CELF2: variants seen among roughly 807,000 people sequenced by gnomAD.
CELF2 encodes CUG triplet repeat RNA-binding protein 2.
A neutral mutation model predicts 62.6 loss-of-function variants in CELF2; 8 were observed. That is an observed-to-expected ratio of 0.13 (90% CI 0.07 to 0.23). The LOEUF (loss-of-function observed/expected upper bound fraction) is 0.23, where lower values mean the gene tolerates loss of function less well. CELF2 is among the 10% of genes least tolerant of loss of function. CELF2 has a pLI of 1.00. For synonymous variants in CELF2, 258 were observed against 250.0 expected, an observed-to-expected ratio of 1.03 and a Z score of -0.30; for missense variants, 333 against 671.0, an observed-to-expected ratio of 0.50 and a Z score of 5.56.
the CELF2 span, among the ~76,000 whole-genome samples, chr10:10,524,579 ACTTTCAT>A: frequency 6.6e-6 from 1 of 151,938 alleles, no homozygotes; most frequent in Non-Finnish European, 1.5e-5. Context: ...AGGAGAGTTC[ACTTTCAT>A]AAATAAAAAT....
intron 1 of CELF2, among the ~76,000 whole-genome samples, chr10:10,896,534 C>G (rs1326822601): frequency 1.3e-5 from 2 of 151,222 alleles, no homozygotes; most frequent in African/African-American, 4.9e-5. Context: ...GGCCCTAAAT[C>G]CAATATGGCC....
chr10:10,578,365 A>G, the CELF2 span, among the ~76,000 whole-genome samples: 1 of 152,102 alleles, frequency 6.6e-6, no homozygotes, highest in Non-Finnish European at 1.5e-5. Context: ...CTTTAGTTTA[A>G]TTAGATCCTG....
chr10:11,026,872 G>T (rs956575825), intron 1 of CELF2, among the ~76,000 whole-genome samples: 1 of 152,138 alleles, frequency 6.6e-6, no homozygotes, highest in African/African-American at 2.4e-5. Context: ...TTGTTTCTGC[G>T]CATTGAACTG....
At chr10:11,282,253 G>A (rs2089192693) in intron 8 of CELF2, among the ~76,000 whole-genome samples, 1 of 152,202 alleles carries the variant, frequency 6.6e-6, no homozygotes, top group African/African-American at 2.4e-5. Context: ...GAAGGAAGAG[G>A]TCAGAACAGC....
rs2056549609 is a variant in CELF2, at chr10:11,012,045, T to C, written c.53+6605T>C. ...TAGGCTTTGATTTTTCAGCCATTCA[T>C]CTCTATTAGGAAGTACGGAATGGCC... is the stretch of plus-strand genomic sequence containing the variant. On this transcript the variant is annotated intron_variant, in intron 1 of 12. Coordinates refer to the CELF2 transcript ENST00000416382. This position sits in a 1 kb window ranked among gnomAD's most constrained non-coding sequence, Gnocchi z 5.5. 6.6e-6 allele frequency among the ~76,000 whole-genome samples: 1 copy of C among 152,228 alleles called. No individual in the cohort carries two copies. The highest frequency in any genetic ancestry group is 2.4e-5 in the African/African-American group (1 of 41,460).
chr10:10,907,156 A>G (rs2063418410), intron 1 of CELF2, among the ~76,000 whole-genome samples: 1 of 152,150 alleles, frequency 6.6e-6, no homozygotes, highest in African/African-American at 2.4e-5. Context: ...ACTAGAAGGG[A>G]AAAAATTCGT....
chr10:10,585,048 G>C, the CELF2 span, among the ~76,000 whole-genome samples: 2 of 152,068 alleles, frequency 1.3e-5, no homozygotes, highest in East Asian at 1.9e-4. Flanking sequence ...TAACAGGAAG[G>C]GATCTTGGAG....
intron 1 of CELF2, among the ~76,000 whole-genome samples, chr10:10,906,290 A>G (rs1353522831): frequency 6.6e-6 from 1 of 152,162 alleles, no homozygotes. Context: ...AAAATTTTTA[A>G]TTATCCCCAA....
At chr10:10,733,181 G>A in the CELF2 span, among the ~76,000 whole-genome samples, 2 of 152,102 alleles carry the variant, frequency 1.3e-5, no homozygotes, top group African/African-American at 4.8e-5. Context: ...TACCTGTGTA[G>A]ACAAGTAGAG....
At chr10:10,645,307 A>G in the CELF2 span, among the ~76,000 whole-genome samples, 1 of 152,174 alleles carries the variant, frequency 6.6e-6, no homozygotes, top group Non-Finnish European at 1.5e-5. Context: ...GGCCAGCCTT[A>G]GAAGACAGCC....
chr10:10,734,155 A>G, the CELF2 span, among the ~76,000 whole-genome samples: 4 of 151,812 alleles, frequency 2.6e-5, no homozygotes, highest in Non-Finnish European at 5.9e-5. Context: ...CTTCTTTTTT[A>G]TGTGGAAAAT....
chr10:10,881,260 G>A (rs2061421599), intron 1 of CELF2, among the ~76,000 whole-genome samples: 1 of 152,184 alleles, frequency 6.6e-6, no homozygotes, highest in African/African-American at 2.4e-5. Context: ...CTGGTGCATG[G>A]ATGGTATATT....
the CELF2 span, among the ~76,000 whole-genome samples, chr10:10,624,442 A>G: frequency 1.3e-5 from 2 of 152,228 alleles, no homozygotes; most frequent in Non-Finnish European, 2.9e-5. Context: ...TACACAAGTC[A>G]AAATGATTCA....
chr10:11,227,806 C>T lies in CELF2; in HGVS notation c.354+10299C>T, dbSNP rs1054924324. Among the ~76,000 whole-genome samples the T allele has an allele frequency of 4.6e-5, 7 of 152,136 alleles. No individual in the cohort carries two copies. The highest frequency in any genetic ancestry group is 2.6e-4 in the Admixed American group (4 of 15,266). On this transcript the variant is annotated intron_variant, in intron 3 of 12. Transcript: ENST00000633077. The surrounding 1 kb of genome is among the most constrained non-coding windows in gnomAD (Gnocchi z 4.8). ...TGTCACGCATCAGGGACGAGGGTAC[C>T]GAGTGAGAGCAAAGGATAGGCTCCT...
At chr10:11,170,150 A>G (rs1236447401) in intron 2 of CELF2, among the ~76,000 whole-genome samples, 3 of 152,200 alleles carry the variant, frequency 2.0e-5, no homozygotes, top group African/African-American at 7.2e-5. Flanking sequence ...TCAGCAAATG[A>G]TAAGTTGTAC....
chr10:11,262,761 A>T (rs1316989154), intron 5 of CELF2, among the ~76,000 whole-genome samples: 2 of 152,148 alleles, frequency 1.3e-5, no homozygotes, highest in African/African-American at 4.8e-5. Flanking sequence ...CTGCATTAAG[A>T]TATTTCTTTG....
chr10:11,202,410 G>A (rs947101399), intron 2 of CELF2, among the ~76,000 whole-genome samples: 3 of 152,156 alleles, frequency 2.0e-5, no homozygotes, highest in Admixed American at 6.5e-5. Context: ...CGATGGTTTC[G>A]GAAGCTGCAG....
chr10:10,912,186 TCAC>T (rs1564808760), intron 1 of CELF2, among the ~76,000 whole-genome samples: 1 of 152,092 alleles, frequency 6.6e-6, no homozygotes, highest in Admixed American at 6.5e-5. Context: ...AGTCACATAT[TCAC>T]AGAGTCACCG....
chr10:11,060,914 C>A (rs1412852289), intron 1 of CELF2, among the ~76,000 whole-genome samples: 1 of 152,174 alleles, frequency 6.6e-6, no homozygotes. Flanking sequence ...GAAGTGCTGC[C>A]ATTCTCTGTC....
Sources: allele counts gnomAD v4.1 joint callset (sites outside exome capture counted in the v4.1 genomes callset), GRCh38; gene constraint gnomAD v4.1.1; non-coding constraint Gnocchi (gnomAD v3.1); transcripts MANE v1.5; gene names NCBI Gene and HGNC (gene_info 2026-07-23, HGNC 2026-07-21).